Variants in NPAS3 observed in about 807,000 individuals in gnomAD.
The protein encoded by NPAS3 is neuronal PAS domain protein 3, also known as neuronal PAS domain-containing protein 3.
In NPAS3, 14 loss-of-function variants were observed where a neutral mutation model predicts 73.1. That is an observed-to-expected ratio of 0.19 (90% CI 0.13 to 0.30). The LOEUF is 0.30. Among genes scored for constraint, NPAS3 ranks in the 10% least tolerant of loss-of-function variants. The pLI is 1.00. For synonymous variants in NPAS3, 620 were observed against 541.5 expected, an observed-to-expected ratio of 1.14 and a Z score of -2.01; for missense variants, 1,096 against 1,250.0, an observed-to-expected ratio of 0.88 and a Z score of 1.86.
intron 3 of NPAS3, among the ~76,000 whole-genome samples, chr14:33,221,592 C>A (rs1566692781): frequency 6.6e-6 from 1 of 151,982 alleles, no homozygotes; most frequent in Non-Finnish European, 1.5e-5. Context: ...GCACCACTGC[C>A]TAGAGGGAGA....
At position 33,577,444 on chromosome 14, in the gene NPAS3, G is replaced by C. The variant is rs75148976; in HGVS notation, c.558+17234G>C. Among the ~76,000 whole-genome samples the C allele has an allele frequency of 7.4e-3, 1,134 of 152,252 alleles. 50 individuals are homozygous for C. In the East Asian group the frequency reaches 0.16, roughly 21 times the overall value. ...CACGGACTCTATGGTCTATAAAGAG[G>C]GGGGAGGTTTCAGAGCACGTTCCTA... On this transcript the variant is annotated intron_variant, in intron 5 of 11. Transcript: ENST00000356141.
chr14:33,734,236 A>C (rs1209307188), intron 6 of NPAS3, among the ~76,000 whole-genome samples: 3 of 152,170 alleles, frequency 2.0e-5, no homozygotes, highest in Non-Finnish European at 4.4e-5. Context: ...ACTTAAGAAG[A>C]GTATAAATTA....
At chr14:33,083,349 A>G (rs2383438) in intron 2 of NPAS3, among the ~76,000 whole-genome samples, 65,680 of 151,890 alleles carry the variant, frequency 0.43, 15,740 homozygotes, top group African/African-American at 0.65. Flanking sequence ...ATCCAACTGG[A>G]CCTTATTATG....
chr14:33,407,571 G>T (rs4982084), intron 4 of NPAS3, among the ~76,000 whole-genome samples: 23,661 of 152,124 alleles, frequency 0.16, 2,095 homozygotes, highest in Admixed American at 0.24. Flanking sequence ...TGGTGTAATA[G>T]AATAGAAATG....
chr14:33,269,779 T>C (rs1040917277), intron 3 of NPAS3, among the ~76,000 whole-genome samples: 1 of 152,066 alleles, frequency 6.6e-6, no homozygotes, highest in Non-Finnish European at 1.5e-5. Context: ...TTAATACCTG[T>C]TAAAATCCCA....
intron 3 of NPAS3, among the ~76,000 whole-genome samples, chr14:33,319,849 T>C (rs999482978): frequency 1.2e-4 from 19 of 152,206 alleles, no homozygotes; most frequent in Admixed American, 1.0e-3. Flanking sequence ...CCTCTCCAGA[T>C]ACATTATGAA....
At chr14:33,585,743 T>C (rs1377619050) in intron 5 of NPAS3, among the ~76,000 whole-genome samples, 1 of 152,164 alleles carries the variant, frequency 6.6e-6, no homozygotes, top group Non-Finnish European at 1.5e-5. Flanking sequence ...CTTTTAGTTT[T>C]CCGCTGAGAA....
At position 33,306,143 on chromosome 14, in the gene NPAS3, C is replaced by T. The variant is rs548119540; in HGVS notation, c.386-61043C>T. 2.1e-3 allele frequency among the ~76,000 whole-genome samples: 317 copies of T among 152,116 alleles called. 1 individual carries two copies. The highest frequency in any genetic ancestry group is 3.6e-3 in the Non-Finnish European group (243 of 67,952). ...AAAGAATGGTGAATCCATGATATAACGATATAAAACAGCAACACATGAAAA... is the reference window on the plus strand; with the variant it reads ...AAAGAATGGTGAATCCATGATATAATGATATAAAACAGCAACACATGAAAA... On this transcript the variant is annotated intron_variant, in intron 3 of 11. Transcript: ENST00000356141.
intron 1 of NPAS3, among the ~76,000 whole-genome samples, chr14:33,018,045 A>AG (rs1243130582): frequency 6.6e-6 from 1 of 152,206 alleles, no homozygotes; most frequent in African/African-American, 2.4e-5. Context: ...ACAAAAAAAA[A>AG]GAAACTGGTC....
chr14:33,584,475 G>A (rs1328775824), intron 5 of NPAS3, among the ~76,000 whole-genome samples: 1 of 151,590 alleles, frequency 6.6e-6, no homozygotes, highest in Non-Finnish European at 1.5e-5. Flanking sequence ...AAAATTTCCA[G>A]AGTCAGCTTA....
chr14:33,203,664 A>G (rs2046708898), intron 2 of NPAS3, among the ~76,000 whole-genome samples: 1 of 152,092 alleles, frequency 6.6e-6, no homozygotes. Context: ...ATCATTTTTT[A>G]TGGCTGCACA....
intron 5 of NPAS3, among the ~76,000 whole-genome samples, chr14:33,575,608 G>T (rs2056402839): frequency 6.6e-6 from 1 of 152,178 alleles, no homozygotes; most frequent in Non-Finnish European, 1.5e-5. Context: ...GGATGATACA[G>T]TCCTTCAGTG....
At chr14:33,463,486 TC>T (rs2050368553) in intron 4 of NPAS3, among the ~76,000 whole-genome samples, 1 of 152,160 alleles carries the variant, frequency 6.6e-6, no homozygotes, top group African/African-American at 2.4e-5. Flanking sequence ...ATTATAATTC[TC>T]AAGGCTAATA....
chr14:32,958,369 C>A (rs941719053), intron 1 of NPAS3, among the ~76,000 whole-genome samples: 3 of 152,170 alleles, frequency 2.0e-5, no homozygotes, highest in African/African-American at 7.2e-5. Flanking sequence ...CCAATAGACA[C>A]TTTGAGTTGT....
At chr14:33,280,294 T>A (rs188283721) in intron 3 of NPAS3, among the ~76,000 whole-genome samples, 83 of 152,314 alleles carry the variant, frequency 5.4e-4, no homozygotes, top group African/African-American at 1.9e-3. Flanking sequence ...AAAAAAGTAA[T>A]GTTCAGAAAA....
chr14:33,113,995 C>CCTTG (rs1294202819), intron 2 of NPAS3, among the ~76,000 whole-genome samples: 1 of 152,098 alleles, frequency 6.6e-6, no homozygotes, highest in Non-Finnish European at 1.5e-5. Flanking sequence ...GTTGAACCAG[C>CCTTG]CTTGCATCCC....
chr14:33,464,377 C>T (rs751124552), intron 4 of NPAS3, among the ~76,000 whole-genome samples: 2 of 152,036 alleles, frequency 1.3e-5, no homozygotes, highest in East Asian at 1.9e-4. Context: ...CTGCACTGGC[C>T]GAGTACATTA....
chr14:33,075,479 T>A (rs1036954261), intron 2 of NPAS3, among the ~76,000 whole-genome samples: 3 of 152,244 alleles, frequency 2.0e-5, no homozygotes, highest in Non-Finnish European at 4.4e-5. Context: ...TGCTGCGTTT[T>A]CTCTCTTATA....
At chr14:33,351,423 C>T (rs146035863) in intron 3 of NPAS3, among the ~76,000 whole-genome samples, 2 of 152,254 alleles carry the variant, frequency 1.3e-5, no homozygotes, top group African/African-American at 4.8e-5. Flanking sequence ...TAGGCTGCTA[C>T]CATTTTTGTA....
Sources: allele counts gnomAD v4.1 joint callset (sites outside exome capture counted in the v4.1 genomes callset), GRCh38; gene constraint gnomAD v4.1.1; transcripts MANE v1.5; gene names NCBI Gene and HGNC (gene_info 2026-07-23, HGNC 2026-07-21).